The following CBFA2T3 variants were observed in gnomAD, a reference collection of about 807,000 sequenced individuals.
CBFA2T3 encodes the protein transcriptional corepressor CBFA2T3.
CBFA2T3 carries 31 observed loss-of-function variants against 58.6 expected under a neutral mutation model. The observed-to-expected ratio is 0.53, with a 90% CI of 0.40 to 0.71. The LOEUF (loss-of-function observed/expected upper bound fraction) is 0.71, where lower values mean the gene tolerates loss of function less well. Among genes scored for constraint, CBFA2T3 ranks in the 30% least tolerant of loss-of-function variants. The pLI is 0.00. For missense variants in CBFA2T3, 1,076 were observed against 963.1 expected (o/e 1.12, Z -1.55); for synonymous variants, 531 against 421.9 (o/e 1.26, Z -3.17).
chr16:88,884,959 CCT>C, intron 7 of CBFA2T3, 85 bp downstream of exon 7: 1 of 1,019,086 alleles, frequency 9.8e-7, no homozygotes, highest in Non-Finnish European at 1.4e-6. Flanking sequence ...CCCGTGGTGC[CCT>C]GTGCCCACAT....
intron 1 of CBFA2T3, among the ~76,000 whole-genome samples, chr16:88,922,921 G>A (rs1043880331): frequency 7.2e-5 from 11 of 152,160 alleles, no homozygotes; most frequent in Admixed American, 2.0e-4. Context: ...TCTTCCCACC[G>A]TACAGATGGG....
In CBFA2T3 at chr16:88,882,661, T is replaced by C. The variant is rs1303312119; in HGVS notation, c.1203+15A>G. 1.7e-5 allele frequency: 26 copies of C among 1,544,474 alleles called. No individual in the cohort carries two copies. In the East Asian group the frequency reaches 5.1e-4, roughly 30 times the overall value. ...GGGCATGGCTGTGTGGGCGTGGCTGTGTGTGGACACTCACGTTGTTGAGGT... is the reference window on the plus strand; with the variant it reads ...GGGCATGGCTGTGTGGGCGTGGCTGCGTGTGGACACTCACGTTGTTGAGGT... On this transcript the variant is annotated intron_variant, in intron 8 of 11. Coordinates refer to ENST00000268679, the MANE Select transcript of CBFA2T3 (RefSeq NM_005187.6).
chr16:88,895,878 T>G (rs1969869770), intron 3 of CBFA2T3, among the ~76,000 whole-genome samples: 1 of 152,136 alleles, frequency 6.6e-6, no homozygotes, highest in Non-Finnish European at 1.5e-5. Flanking sequence ...TGAGTCAGAC[T>G]CGGCGCCTAG....
chr16:88,914,676 C>T (rs968534415), intron 1 of CBFA2T3, among the ~76,000 whole-genome samples: 40 of 152,172 alleles, frequency 2.6e-4, no homozygotes, highest in Admixed American at 5.9e-4. Flanking sequence ...GTGCCCTGAC[C>T]CTCTGCCCTG....
chr16:88,904,085 G>A (rs1809003611), intron 1 of CBFA2T3, among the ~76,000 whole-genome samples: 1 of 152,296 alleles, frequency 6.6e-6, no homozygotes. Context: ...ACCCAACAAG[G>A]GCTCATGGCC....
intron 1 of CBFA2T3, among the ~76,000 whole-genome samples, chr16:88,963,316 C>T (rs74951382): frequency 2.9e-3 from 182 of 63,572 alleles, no homozygotes; most frequent in Middle Eastern, 0.017. Context: ...CTGCCAGGGG[C>T]GGGCGCTCAT....
At chr16:88,962,583 C>T (rs1972393610) in intron 1 of CBFA2T3, among the ~76,000 whole-genome samples, 1 of 152,180 alleles carries the variant, frequency 6.6e-6, no homozygotes, top group South Asian at 2.1e-4. Flanking sequence ...GTGGTGGGGC[C>T]AGATCACCAA....
chr16:88,927,315 C>A (rs901207241), intron 1 of CBFA2T3, among the ~76,000 whole-genome samples: 3 of 152,236 alleles, frequency 2.0e-5, no homozygotes, highest in Admixed American at 6.5e-5. Context: ...AGCACTGATG[C>A]CCCCGCTGAG....
At chr16:88,898,452 C>T (rs1194795783) in intron 2 of CBFA2T3, among the ~76,000 whole-genome samples, 1 of 152,246 alleles carries the variant, frequency 6.6e-6, no homozygotes, top group African/African-American at 2.4e-5. Context: ...GGCCACTCCC[C>T]TCTCCGAGCC....
chr16:88,973,410 G>A (rs1162891973), intron 1 of CBFA2T3, among the ~76,000 whole-genome samples: 2 of 152,172 alleles, frequency 1.3e-5, no homozygotes, highest in African/African-American at 2.4e-5. Context: ...GCCATCTGAC[G>A]CCTTAGTTTC....
chr16:88,964,939 TCCATCCATCC>T (rs1972460063), intron 1 of CBFA2T3, among the ~76,000 whole-genome samples: 1 of 148,954 alleles, frequency 6.7e-6, no homozygotes, highest in African/African-American at 2.5e-5. Flanking sequence ...CATCCATCCA[TCCATCCATCC>T]ATCTATCCAT....
In CBFA2T3 at chr16:88,877,183, C is replaced by A; in HGVS notation, c.1755G>T (p.Trp585Cys). ...GGCCACACACGTGGTGATGCTTCTCCCAGTCCCGATGCTGGCAGAAGGACC... is the reference window on the plus strand; with the variant it reads ...GGCCACACACGTGGTGATGCTTCTCACAGTCCCGATGCTGGCAGAAGGACC... ...YCGSFCQHRD[W>C]EKHHHVCGQS... The change falls in exon 12 of 12, where the codon TGG becomes TGT. Residue 585 changes from tryptophan (W) to cysteine (C), a missense_variant. Physicochemically the swap from Trp to Cys is radical, Grantham distance 215. Transcript: ENST00000268679. The A allele has an allele frequency of 6.4e-7, 1 of 1,554,010 alleles. No individual in the cohort carries two copies. Among genetic ancestry groups the A allele is most frequent in the South Asian group, 1.2e-5 (1 of 84,298 alleles).
rs567767906 is a variant in CBFA2T3 at position 88,875,685 on chromosome 16, C to T, written c.*1291G>A. On this transcript the variant is annotated 3_prime_UTR_variant, in exon 12 of 12. Coordinates refer to ENST00000268679, the MANE Select transcript of CBFA2T3 (RefSeq NM_005187.6). ...GAGAGGTAGAGGAGGACGGGCTGGC[C>T]GAGAAGCAGTGTTTCAGGGAGGCCT... 8.6e-6 allele frequency: 2 copies of T among 233,402 alleles called. No homozygotes were observed. Among genetic ancestry groups the T allele is most frequent in the Admixed American group, 1.1e-4 (2 of 17,764 alleles). 14.5% of individuals were successfully genotyped at this position (233,402 alleles called of 1,614,324 possible).
rs1567613728 is a variant in CBFA2T3 at position 88,928,039 on chromosome 16, C to T, written c.152-26383G>A. 5.9e-5 allele frequency among the ~76,000 whole-genome samples: 9 copies of T among 152,212 alleles called. No individual in the cohort carries two copies. The South Asian group carries it at 1.9e-3, about 31-fold the overall frequency. On this transcript the variant is annotated intron_variant, in intron 1 of 11. Coordinates refer to ENST00000268679, the MANE Select transcript of CBFA2T3 (RefSeq NM_005187.6). Reference sequence around the variant, plus strand: ...GGCACCCACCGCTGCTGACCGAGCCCCTGGCACCCCCAAGCCGAGCCTTTG... The same window carrying T: ...GGCACCCACCGCTGCTGACCGAGCCTCTGGCACCCCCAAGCCGAGCCTTTG...
chr16:88,896,937 A>G (rs1432286251), intron 3 of CBFA2T3, among the ~76,000 whole-genome samples: 1 of 152,182 alleles, frequency 6.6e-6, no homozygotes, highest in Admixed American at 6.5e-5. Context: ...AGACGCCAAA[A>G]ATAACCCCGG....
intron 4 of CBFA2T3, 60 bp from the exon 5 acceptor site, chr16:88,892,031 C>G: frequency 2.7e-6 from 4 of 1,465,028 alleles, no homozygotes; most frequent in Non-Finnish European, 3.8e-6. Flanking sequence ...CAGCGCCGAC[C>G]CACCCATGCC....
At chr16:88,904,287 G>C (rs1041043342) in intron 1 of CBFA2T3, among the ~76,000 whole-genome samples, 1 of 152,304 alleles carries the variant, frequency 6.6e-6, no homozygotes, top group Non-Finnish European at 1.5e-5. Flanking sequence ...CCTTCTCGGT[G>C]CTCTGCAGAT....
intron 1 of CBFA2T3, among the ~76,000 whole-genome samples, chr16:88,971,355 C>T (rs1435408483): frequency 2.0e-5 from 3 of 152,342 alleles, no homozygotes; most frequent in Non-Finnish European, 4.4e-5. Context: ...AGTGATCCGC[C>T]TGCCTCGGCC....
At chr16:88,939,049 G>A (rs1278732844) in intron 1 of CBFA2T3, 2 of 152,186 alleles carry the variant, frequency 1.3e-5, no homozygotes, top group Non-Finnish European at 2.9e-5. Context: ...CCAGCCTGCT[G>A]GCAGCATCTC....
Sources: gnomAD v4.1 joint callset for allele counts (sites outside exome capture counted in the v4.1 genomes callset) on GRCh38, gnomAD v4.1.1 for gene constraint, MANE v1.5 for transcripts, NCBI Gene and HGNC (gene_info 2026-07-23, HGNC 2026-07-21) for gene names.